SIN3A: variants seen among roughly 807,000 people sequenced by gnomAD.
SIN3A encodes SIN3 transcription regulator family member A, also known as paired amphipathic helix protein Sin3a.
Under a neutral mutation model 146.1 loss-of-function variants are expected in SIN3A, and 14 were observed. That is an observed-to-expected ratio of 0.10 (90% CI 0.06 to 0.15). The LOEUF (loss-of-function observed/expected upper bound fraction) is 0.15. SIN3A is among the 10% of genes least tolerant of loss of function. SIN3A has a pLI of 1.00. For missense variants in SIN3A, 1,028 were observed against 1,576.0 expected (o/e 0.65, Z 5.89); for synonymous variants, 572 against 572.0 (o/e 1.00, Z 0.00).
intron 2 of SIN3A, among the ~76,000 whole-genome samples, chr15:75,427,789 G>A (rs931580686): frequency 1.3e-5 from 2 of 151,838 alleles, no homozygotes; most frequent in Non-Finnish European, 2.9e-5. Flanking sequence ...GGCCCACATG[G>A]CGAAACCCCA....
At chr15:75,392,173 C>T (rs2073217063) in intron 15 of SIN3A, 69 bp downstream of exon 15, 1 of 1,383,100 alleles carries the variant, frequency 7.2e-7, no homozygotes, top group East Asian at 2.3e-5. Flanking sequence ...AGAAGCAGTC[C>T]CAAGTCTAGG....
At chr15:75,374,886 T>G (rs986348835) in intron 20 of SIN3A, among the ~76,000 whole-genome samples, 1 of 152,220 alleles carries the variant, frequency 6.6e-6, no homozygotes, top group Non-Finnish European at 1.5e-5. Flanking sequence ...TCCCTGGTAG[T>G]GCATATCATC....
chr15:75,454,616 C>CT (rs2074461978), upstream of SIN3A, among the ~76,000 whole-genome samples: 2 of 151,736 alleles, frequency 1.3e-5, no homozygotes, highest in Admixed American at 1.3e-4. Flanking sequence ...AGCGTGGAGA[C>CT]TGTTTTCCCA....
In SIN3A at chr15:75,378,887, G is replaced by GATATAT. The variant is rs61263220; in HGVS notation, c.3383+1736_3383+1741dup. Among the ~76,000 whole-genome samples, 1,385 of 144,950 alleles carry GATATAT rather than the reference G, an allele frequency of 9.6e-3. 9 individuals carry two copies. The highest frequency in any genetic ancestry group is 0.015 in the Non-Finnish European group (966 of 66,366). On this transcript the variant is annotated intron_variant, in intron 19 of 20. Transcript: ENST00000394947. ...ATATTATTTAAGAAAATATAATAGGGATATATATATATATATATATATTTT... is the reference window on the plus strand; with the variant it reads ...ATATTATTTAAGAAAATATAATAGGGATATATATATATATATATATATATATATTTT...
In SIN3A at chr15:75,394,884, G is replaced by A. The variant is rs370568718; in HGVS notation, c.2094-21C>T. 39 of 1,605,214 alleles carry A rather than the reference G, an allele frequency of 2.4e-5. No individual in the cohort carries two copies. In the African/African-American group the frequency reaches 5.0e-4, roughly 20 times the overall value. ...TCAACCTAGTGAAGCGGGAAGGGAT[G>A]GAAACAACACATGGGAATTCAGAGG... On this transcript the variant is annotated intron_variant, in intron 13 of 20. Transcript: ENST00000394947.
At chr15:75,385,578 A>T (rs1291422147) in intron 16 of SIN3A, among the ~76,000 whole-genome samples, 2 of 152,262 alleles carry the variant, frequency 1.3e-5, no homozygotes, top group African/African-American at 4.8e-5. Flanking sequence ...CATCAAAATG[A>T]CAGAAGTGAA....
chr15:75,448,542 A>G (rs1472942966), intron 1 of SIN3A, among the ~76,000 whole-genome samples: 1 of 152,168 alleles, frequency 6.6e-6, no homozygotes, highest in African/African-American at 2.4e-5. Flanking sequence ...TGACACAGTA[A>G]GTGCTCAATA....
chr15:75,455,212 G>T (rs911996094), upstream of SIN3A, among the ~76,000 whole-genome samples: 1 of 152,008 alleles, frequency 6.6e-6, no homozygotes, highest in Non-Finnish European at 1.5e-5. Flanking sequence ...AGCGTGGGTA[G>T]CCAGGGAAGC....
chr15:75,392,787 G>A lies in SIN3A; in HGVS notation c.2306C>T (p.Ala769Val). The change falls in exon 15 of 21, where the codon GCT becomes GTT. Residue 769 changes from alanine to valine, a missense_variant. Ala to Val is a moderately conservative substitution (Grantham distance 64). Transcript: ENST00000394947. The part of the protein sequence containing the change: ...ERQEQATEEN[A>V]GVPVGPHLSL... ...GAGGTGTGGGCCAACAGGTACACCA[G>A]CATTCTCCTCCGTAGCCTGCTCTTG... The A allele has an allele frequency of 6.2e-7, 1 of 1,612,998 alleles. No homozygotes were observed. The highest frequency in any genetic ancestry group is 8.5e-7 in the Non-Finnish European group (1 of 1,179,612).
intron 1 of SIN3A, among the ~76,000 whole-genome samples, chr15:75,441,042 T>C (rs1287696912): frequency 6.7e-6 from 1 of 148,586 alleles, no homozygotes; most frequent in Admixed American, 6.7e-5. Context: ...GTGCAGTGGC[T>C]CACGCCTGTA....
intron 1 of SIN3A, among the ~76,000 whole-genome samples, chr15:75,440,963 C>CCA (rs1361912597): frequency 1.7e-5 from 2 of 120,798 alleles, no homozygotes; most frequent in African/African-American, 6.8e-5. Flanking sequence ...GCCTGGGTGA[C>CCA]AGAGCGAAGA....
At chr15:75,401,222 T>A (rs1291656992) in intron 10 of SIN3A, among the ~76,000 whole-genome samples, 1 of 152,150 alleles carries the variant, frequency 6.6e-6, no homozygotes, top group Non-Finnish European at 1.5e-5. Flanking sequence ...AATTCTTAGG[T>A]TGTCAAATAT....
intron 13 of SIN3A, 109 bp from the exon 14 acceptor site, chr15:75,394,972 G>A (rs1374103729): frequency 2.0e-6 from 2 of 1,018,714 alleles, no homozygotes; most frequent in East Asian, 2.5e-5. Flanking sequence ...GCTATATTAG[G>A]TCTCTCAAAA....
At chr15:75,430,945 T>C (rs2074004260) in intron 1 of SIN3A, among the ~76,000 whole-genome samples, 1 of 152,094 alleles carries the variant, frequency 6.6e-6, no homozygotes, top group Non-Finnish European at 1.5e-5. Context: ...CCGGCTACTT[T>C]TTTTGCATTC....
intron 20 of SIN3A, among the ~76,000 whole-genome samples, chr15:75,372,845 AAACC>A (rs2072779519): frequency 6.7e-6 from 1 of 149,452 alleles, no homozygotes; most frequent in African/African-American, 2.5e-5. Context: ...AAAAAACCCA[AAACC>A]CCCAAAACCC....
rs781130530 is a variant in SIN3A, at chr15:75,399,523, G to A, written c.1854+517C>T. ...AGCCTGGGAGACAGAGCGAGACTCC[G>A]TCTCAAAAAAACAAAACAAAACAAA... On this transcript the variant is annotated intron_variant, in intron 12 of 20. Coordinates refer to ENST00000394947, the MANE Select transcript of SIN3A (RefSeq NM_001145358.2). Among the ~76,000 whole-genome samples, 9 of 150,212 alleles carry A rather than the reference G, an allele frequency of 6.0e-5. No homozygotes were observed. In the South Asian group the frequency reaches 8.5e-4, roughly 14 times the overall value.
chr15:75,421,800 A>C (rs1391684815), intron 3 of SIN3A: 1 of 152,214 alleles, frequency 6.6e-6, no homozygotes, highest in African/African-American at 2.4e-5. Context: ...CAACAATCAC[A>C]TATTTTGAAA....
Position 75,384,301 on chromosome 15 carries a change from T to G in SIN3A, c.3158A>C (p.Lys1053Thr). ...CTCATCTGACATTAGCTGCTCAGCT[T>G]TCCGCTGATACGTTGACTCCAGGAG... The part of the protein sequence containing the change: ...RSLLESTYQR[K>T]AEQLMSDENC... The change falls in exon 17 of 21, where the codon AAA becomes ACA. Residue 1053 changes from lysine (K) to threonine (T), a missense_variant. Coordinates refer to ENST00000394947, the MANE Select transcript of SIN3A (RefSeq NM_001145358.2). The G allele has an allele frequency of 6.2e-7, 1 of 1,612,910 alleles. No homozygotes were observed. The highest frequency in any genetic ancestry group is 8.5e-7 in the Non-Finnish European group (1 of 1,179,302).
chr15:75,381,882 A>G (rs1411528947), intron 17 of SIN3A, among the ~76,000 whole-genome samples, 177 bp from the exon 18 acceptor site: 4 of 152,234 alleles, frequency 2.6e-5, no homozygotes, highest in Non-Finnish European at 5.9e-5. Flanking sequence ...TACACTTACT[A>G]CAAGTAAAAT....
Sources: gnomAD v4.1 joint callset for allele counts (sites outside exome capture counted in the v4.1 genomes callset) on GRCh38, gnomAD v4.1.1 for gene constraint, MANE v1.5 for transcripts, NCBI Gene and HGNC (gene_info 2026-07-23, HGNC 2026-07-21) for gene names.